IQCB1: variants seen among roughly 807,000 people sequenced by gnomAD.
IQCB1 encodes the protein IQ motif containing B1.
IQCB1 carries 56 observed loss-of-function variants against 84.4 expected under a neutral mutation model. That is an observed-to-expected ratio of 0.66 (90% confidence interval 0.54 to 0.83). IQCB1 has a LOEUF of 0.83. IQCB1 is among the 40% of genes least tolerant of loss of function. The pLI, the probability that IQCB1 is intolerant of heterozygous loss-of-function variation, is 0.00. For synonymous variants in IQCB1, 210 were observed against 234.8 expected, an observed-to-expected ratio of 0.89 and a Z score of 0.96; for missense variants, 629 against 682.1, an observed-to-expected ratio of 0.92 and a Z score of 0.87.
At chr3:121,815,895 T>C (rs1279044388) in intron 5 of IQCB1, among the ~76,000 whole-genome samples, 1 of 148,078 alleles carries the variant, frequency 6.8e-6, no homozygotes, top group Non-Finnish European at 1.5e-5. Context: ...CTTCACAGAT[T>C]TAGAAAAAAC....
At chr3:121,807,746 C>T (rs1195566578) in intron 6 of IQCB1, among the ~76,000 whole-genome samples, 2 of 151,872 alleles carry the variant, frequency 1.3e-5, no homozygotes, top group Admixed American at 6.6e-5. Flanking sequence ...TTTCTTCTAT[C>T]AATGAATTTC....
intron 5 of IQCB1, among the ~76,000 whole-genome samples, chr3:121,818,581 T>C (rs1286585585): frequency 3.3e-5 from 5 of 152,056 alleles, no homozygotes; most frequent in Admixed American, 6.6e-5. Flanking sequence ...AACTTGAAGA[T>C]AGAGCCCAAA....
chr3:121,813,965 TATAC>T (rs1559790141), intron 5 of IQCB1, among the ~76,000 whole-genome samples: 1 of 152,146 alleles, frequency 6.6e-6, no homozygotes. Context: ...ATAAATAGAA[TATAC>T]ATTCTTCTTA....
At chr3:121,779,437 T>C (rs1180416696) in intron 13 of IQCB1, among the ~76,000 whole-genome samples, 5 of 152,246 alleles carry the variant, frequency 3.3e-5, no homozygotes, top group African/African-American at 1.2e-4. Context: ...TGATCAAGTA[T>C]ATTTTTCACA....
At chr3:121,802,938 A>T (rs1032811657) in intron 7 of IQCB1, among the ~76,000 whole-genome samples, 1 of 152,122 alleles carries the variant, frequency 6.6e-6, no homozygotes, top group African/African-American at 2.4e-5. Flanking sequence ...TATTTAGATG[A>T]ATGTTATTAT....
intron 10 of IQCB1, among the ~76,000 whole-genome samples, chr3:121,791,740 A>T (rs1948983782): frequency 6.6e-6 from 1 of 152,212 alleles, no homozygotes; most frequent in African/African-American, 2.4e-5. Flanking sequence ...ACCCATTCAT[A>T]GAGGGTAAAA....
At chr3:121,786,124 T>G (rs950850305) in intron 12 of IQCB1, among the ~76,000 whole-genome samples, 1 of 127,848 alleles carries the variant, frequency 7.8e-6, no homozygotes, top group African/African-American at 3.1e-5. Context: ...TGGGGTATGA[T>G]TGCACCACTG....
chr3:121,795,212 C>A lies in IQCB1; in HGVS notation c.986+245G>T, dbSNP rs577836228. On this transcript the variant is annotated intron_variant, in intron 10 of 14. Coordinates refer to ENST00000310864, the MANE Select transcript of IQCB1 (RefSeq NM_001023570.4). ...CATTGGCTCCCTTTGTAGGCTTGGC[C>A]CCTCCCCAAATATCTTATTAAGTGG... 2.5e-4 allele frequency among the ~76,000 whole-genome samples: 38 copies of A among 151,982 alleles called. 1 individual carries two copies. In the Middle Eastern group the frequency reaches 0.014, roughly 54 times the overall value.
In IQCB1 at chr3:121,772,713, C is replaced by T; in HGVS notation, c.1411G>A (p.Gly471Ser). Residue 471 changes from glycine (G) to serine (S), a missense_variant and splice_region_variant, in exon 14 of 15, where the codon GGC becomes AGC. Physicochemically the swap from Gly to Ser is moderately conservative, Grantham distance 56. Coordinates refer to ENST00000310864, the MANE Select transcript of IQCB1 (RefSeq NM_001023570.4). Reference protein sequence around the residue: ...RVDDYVRRHLGSPMSDVVSRE... With the variant: ...RVDDYVRRHLSSPMSDVVSRE... ...CTGACCACATCTGACATTGGAGAGC[C>T]CTGGAAACACAGGACAGAAAAACCT... The T allele has an allele frequency of 6.2e-7, 1 of 1,613,956 alleles. No homozygotes were observed. Among genetic ancestry groups the T allele is most frequent in the South Asian group, 1.1e-5 (1 of 91,076 alleles).
intron 4 of IQCB1, among the ~76,000 whole-genome samples, chr3:121,826,738 A>C (rs1950477641): frequency 6.6e-6 from 1 of 152,154 alleles, no homozygotes; most frequent in Non-Finnish European, 1.5e-5. Context: ...ACACTTTACA[A>C]TATACATTAG....
At chr3:121,799,445 A>G in intron 7 of IQCB1, 71 bp from the exon 8 acceptor site, 2 of 945,174 alleles carry the variant, frequency 2.1e-6, no homozygotes, top group South Asian at 1.5e-5. Context: ...AATCTAAAAT[A>G]TAAGATTCAG....
In IQCB1 at chr3:121,811,188, G is replaced by A. The variant is rs144899776; in HGVS notation, c.394-2179C>T. Reference sequence around the variant, plus strand: ...TCACCTGGGAAGTGCAAGGGGCTGGGGACCTCCCTCCCCTAGCCAAGGGAA... The same window carrying A: ...TCACCTGGGAAGTGCAAGGGGCTGGAGACCTCCCTCCCCTAGCCAAGGGAA... On this transcript the variant is annotated intron_variant, in intron 5 of 14. Coordinates refer to ENST00000310864, the MANE Select transcript of IQCB1 (RefSeq NM_001023570.4). Among the ~76,000 whole-genome samples the A allele has an allele frequency of 8.6e-3, 1,311 of 152,226 alleles. 14 individuals carry two copies. The highest frequency in any genetic ancestry group is 0.024 in the African/African-American group (1,016 of 41,540).
chr3:121,807,261 G>A (rs921455423), intron 7 of IQCB1, 83 bp downstream of exon 7: 17 of 760,114 alleles, frequency 2.2e-5, no homozygotes, highest in Middle Eastern at 2.7e-4. Context: ...AATCATATGC[G>A]GTCAATTTTA....
chr3:121,799,796 T>C (rs1016705991), intron 7 of IQCB1, among the ~76,000 whole-genome samples: 4 of 152,052 alleles, frequency 2.6e-5, no homozygotes, highest in Middle Eastern at 3.4e-3. Flanking sequence ...AATTCTATCA[T>C]GTGCTTAATA....
At chr3:121,796,829 G>A (rs570680434) in intron 9 of IQCB1, among the ~76,000 whole-genome samples, 7 of 152,066 alleles carry the variant, frequency 4.6e-5, no homozygotes, top group East Asian at 1.9e-4. Flanking sequence ...ATTGAATGGC[G>A]GAGAGATACA....
intron 5 of IQCB1, 49 bp from the exon 6 acceptor site, chr3:121,809,058 T>C (rs1949723125): frequency 3.2e-6 from 3 of 947,212 alleles, no homozygotes; most frequent in Non-Finnish European, 4.7e-6. Flanking sequence ...TTTTTTTCCT[T>C]TTTTTTTTTT....
intron 10 of IQCB1, among the ~76,000 whole-genome samples, chr3:121,792,561 C>A (rs62268831): frequency 0.25 from 33,243 of 131,668 alleles, 4,747 homozygotes; most frequent in Admixed American, 0.41. Context: ...ACTCGGGAGG[C>A]TGAGGCAGGA....
intron 7 of IQCB1, among the ~76,000 whole-genome samples, chr3:121,801,294 T>C (rs181967909): frequency 6.6e-6 from 1 of 152,092 alleles, no homozygotes; most frequent in African/African-American, 2.4e-5. Flanking sequence ...ATTTGAGTTT[T>C]AGCTAGTCCT....
intron 13 of IQCB1, 75 bp downstream of exon 13, chr3:121,781,668 A>ATGTG (rs1559755552): frequency 3.5e-6 from 4 of 1,130,158 alleles, no homozygotes; most frequent in Non-Finnish European, 5.3e-6. Context: ...CACACAATAT[A>ATGTG]TGTGTGTGTG....
Sources: allele counts gnomAD v4.1 joint callset (sites outside exome capture counted in the v4.1 genomes callset), GRCh38; gene constraint gnomAD v4.1.1; transcripts MANE v1.5; gene names NCBI Gene and HGNC (gene_info 2026-07-23, HGNC 2026-07-21).